Variants in ZNF407 observed in about 807,000 individuals in gnomAD.
The protein encoded by ZNF407 is zinc finger protein 407.
In ZNF407, 17 loss-of-function variants were observed where a neutral mutation model predicts 131.2. That is an observed-to-expected ratio of 0.13 (90% CI 0.09 to 0.19). The LOEUF is 0.19. Among genes scored for constraint, ZNF407 ranks in the 10% least tolerant of loss-of-function variants. ZNF407 has a pLI of 1.00. For synonymous variants in ZNF407, 1,156 were observed against 1,062.0 expected (o/e 1.09, Z -1.72); for missense variants, 2,681 against 2,830.6 (o/e 0.95, Z 1.20).
Position 74,634,923 on chromosome 18 carries a change from G to A in ZNF407, c.3904G>A (p.Val1302Ile), listed in dbSNP as rs766307673. 72 of 1,613,782 alleles carry A rather than the reference G, an allele frequency of 4.5e-5. 1 individual carries two copies. The South Asian group carries it at 6.1e-4, about 14-fold the overall frequency. ...EDLKGVQEDP[V>I]LGNKEILMNS... The stretch of plus-strand genomic sequence containing the variant: ...CTTGAAAGGTGTCCAAGAAGATCCC[G>A]TTCTGGGGAATAAGGAAATTCTGAT... Residue 1302 changes from valine (V) to isoleucine (I), a missense_variant, in exon 2 of 9, where the codon GTT (valine) becomes ATT (isoleucine). This residue lies in a region of ZNF407 where 1,789 missense variants were observed against 1,748.7 expected (regional missense o/e 1.02). Transcript: ENST00000299687.
intron 8 of ZNF407, among the ~76,000 whole-genome samples, chr18:74,939,527 A>G (rs1010180745): frequency 2.0e-5 from 3 of 152,224 alleles, no homozygotes; most frequent in African/African-American, 7.2e-5. Flanking sequence ...TGAATAGGCA[A>G]TTTAAAATGC....
chr18:75,024,297 A>G (rs1052682605), intron 8 of ZNF407, among the ~76,000 whole-genome samples: 3 of 152,174 alleles, frequency 2.0e-5, no homozygotes, highest in African/African-American at 7.2e-5. Context: ...TTACTCGCAG[A>G]TACTGTTCCT....
intron 3 of ZNF407, among the ~76,000 whole-genome samples, chr18:74,765,320 A>G (rs938712643): frequency 6.6e-6 from 1 of 151,976 alleles, no homozygotes; most frequent in Non-Finnish European, 1.5e-5. Context: ...ACTTCTTTGC[A>G]TGCCTGGTAA....
intron 8 of ZNF407, among the ~76,000 whole-genome samples, chr18:75,012,485 A>G (rs957858714): frequency 6.6e-6 from 1 of 152,140 alleles, no homozygotes; most frequent in Non-Finnish European, 1.5e-5. Context: ...TTTAACCCCA[A>G]ATATTTTCTT....
At chr18:74,768,151 C>T (rs989184632) in intron 3 of ZNF407, among the ~76,000 whole-genome samples, 22 of 152,056 alleles carry the variant, frequency 1.4e-4, no homozygotes, top group Non-Finnish European at 2.2e-4. Context: ...ACCCTTAAGC[C>T]AGAGTCCTTG....
chr18:75,041,533 T>C (rs765485711), intron 8 of ZNF407, among the ~76,000 whole-genome samples: 2 of 151,782 alleles, frequency 1.3e-5, no homozygotes, highest in African/African-American at 4.8e-5. Context: ...GATGTCTTTT[T>C]AGCCATGAGA....
chr18:74,997,399 A>G (rs1972791829), intron 8 of ZNF407, among the ~76,000 whole-genome samples: 1 of 152,210 alleles, frequency 6.6e-6, no homozygotes. Context: ...TGACAAAGTT[A>G]CTGGGCCCAG....
At chr18:74,861,638 G>A (rs1970938872) in intron 4 of ZNF407, among the ~76,000 whole-genome samples, 1 of 152,174 alleles carries the variant, frequency 6.6e-6, no homozygotes, top group Admixed American at 6.5e-5. Flanking sequence ...TTCTAGGAAC[G>A]AGTAGCCTAC....
intron 8 of ZNF407, among the ~76,000 whole-genome samples, chr18:75,010,477 T>G (rs1391305168): frequency 1.3e-5 from 2 of 152,152 alleles, no homozygotes; most frequent in African/African-American, 2.4e-5. Flanking sequence ...GGTCACAGGC[T>G]GATTTTCTGC....
intron 7 of ZNF407, among the ~76,000 whole-genome samples, chr18:74,907,937 TAA>T (rs983494134): frequency 4.1e-4 from 63 of 152,350 alleles, no homozygotes; most frequent in Non-Finnish European, 2.4e-4. Context: ...TCTGTCACCT[TAA>T]GTTTTAATTC....
At chr18:74,842,586 G>T (rs1970648685) in intron 4 of ZNF407, among the ~76,000 whole-genome samples, 1 of 110,594 alleles carries the variant, frequency 9.0e-6, no homozygotes. Context: ...GACCCTGGAA[G>T]TTTTTCCCTA....
chr18:74,662,596 TTACTC>T (rs757992429), intron 3 of ZNF407, among the ~76,000 whole-genome samples: 5 of 152,222 alleles, frequency 3.3e-5, no homozygotes, highest in African/African-American at 2.4e-5. Context: ...TAAAGTGAGT[TTACTC>T]TTTCAGAAAA....
At chr18:74,672,440 T>A (rs1442735570) in intron 3 of ZNF407, among the ~76,000 whole-genome samples, 1 of 150,776 alleles carries the variant, frequency 6.6e-6, no homozygotes, top group African/African-American at 2.4e-5. Flanking sequence ...TGGAGCACTG[T>A]TTGTCTGTTC....
chr18:74,824,819 T>C (rs1236304242), intron 4 of ZNF407, among the ~76,000 whole-genome samples: 2 of 152,204 alleles, frequency 1.3e-5, no homozygotes, highest in Non-Finnish European at 2.9e-5. Context: ...TCTGAAACTA[T>C]TCCAAAGAAT....
intron 3 of ZNF407, among the ~76,000 whole-genome samples, chr18:74,691,832 G>A (rs1172733645): frequency 1.3e-5 from 2 of 152,038 alleles, no homozygotes; most frequent in African/African-American, 2.4e-5. Flanking sequence ...GTCAGCTCAC[G>A]CCTGTAATCC....
At chr18:75,055,505 T>C (rs550583661) in intron 8 of ZNF407, among the ~76,000 whole-genome samples, 5 of 152,348 alleles carry the variant, frequency 3.3e-5, no homozygotes, top group Admixed American at 6.5e-5. Context: ...CTGTTAGATC[T>C]TCATGCATGA....
intron 3 of ZNF407, among the ~76,000 whole-genome samples, chr18:74,709,877 C>T (rs902855769): frequency 1.3e-5 from 2 of 152,140 alleles, no homozygotes; most frequent in Non-Finnish European, 2.9e-5. Flanking sequence ...GTTATATGTA[C>T]TTCTAGAAGC....
chr18:74,704,050 T>C (rs1967564123), intron 3 of ZNF407, among the ~76,000 whole-genome samples: 1 of 152,182 alleles, frequency 6.6e-6, no homozygotes, highest in Non-Finnish European at 1.5e-5. Flanking sequence ...TCATCTTACA[T>C]GTAAGGGACA....
intron 1 of ZNF407, among the ~76,000 whole-genome samples, chr18:74,599,074 C>G (rs1243235698): frequency 6.6e-6 from 1 of 152,122 alleles, no homozygotes; most frequent in Non-Finnish European, 1.5e-5. Context: ...TAGACAGGGG[C>G]CCTAACATAT....
Sources: gnomAD v4.1 joint callset for allele counts (sites outside exome capture counted in the v4.1 genomes callset) on GRCh38, gnomAD v4.1.1 for gene constraint, gnomAD v4.1.1 regional missense constraint, MANE v1.5 for transcripts, NCBI Gene and HGNC (gene_info 2026-07-23, HGNC 2026-07-21) for gene names.